CNTNAP5: variants seen among roughly 807,000 people sequenced by gnomAD.
CNTNAP5 encodes contactin associated protein family member 5.
CNTNAP5 carries 72 observed loss-of-function variants against 150.2 expected under a neutral mutation model. The observed-to-expected ratio is 0.48, with a 90% CI of 0.40 to 0.58. The LOEUF is 0.58. CNTNAP5 is among the 20% of genes least tolerant of loss of function. The pLI, the probability that CNTNAP5 is intolerant of heterozygous loss-of-function variation, is 0.00. For synonymous variants in CNTNAP5, 672 were observed against 619.8 expected (o/e 1.08, Z -1.25); for missense variants, 1,636 against 1,626.2 (o/e 1.01, Z -0.10).
At chr2:124,507,724 C>T (rs1694447348) in intron 8 of CNTNAP5, among the ~76,000 whole-genome samples, 8 of 152,278 alleles carry the variant, frequency 5.3e-5, no homozygotes, top group Admixed American at 5.2e-4. Flanking sequence ...CAGGTTTTCT[C>T]TACAGATGCA....
chr2:124,286,732 TCTC>T (rs1022091625), intron 3 of CNTNAP5, among the ~76,000 whole-genome samples: 28 of 152,274 alleles, frequency 1.8e-4, no homozygotes, highest in African/African-American at 6.5e-4. Flanking sequence ...AGCCCGCCCA[TCTC>T]CTCTTTTCCA....
rs1678961579 is a variant in CNTNAP5, at chr2:124,677,218, T to G, written c.2077+29260T>G. On this transcript the variant is annotated intron_variant, in intron 13 of 23. Transcript: ENST00000682447. ...AAGCTGCAGACCTTCACAGTGAGTG[T>G]TACAGCTCTTAAAGGTGGCGCGTCT... Among the ~76,000 whole-genome samples, 3 of 152,180 alleles carry G rather than the reference T, an allele frequency of 2.0e-5. No homozygotes were observed. The South Asian group carries it at 6.2e-4, about 32-fold the overall frequency.
At chr2:124,364,658 ATTCT>A (rs1178166306) in intron 3 of CNTNAP5, among the ~76,000 whole-genome samples, 2 of 152,234 alleles carry the variant, frequency 1.3e-5, no homozygotes, top group African/African-American at 4.8e-5. Flanking sequence ...ACATTTAGTG[ATTCT>A]TTATTTCTAA....
chr2:124,640,197 C>G (rs1047831831), intron 12 of CNTNAP5, among the ~76,000 whole-genome samples: 1 of 152,112 alleles, frequency 6.6e-6, no homozygotes, highest in Non-Finnish European at 1.5e-5. Context: ...ACCACTACCC[C>G]CTAAGACCAT....
At chr2:124,781,194 A>G (rs1017756657) in intron 17 of CNTNAP5, among the ~76,000 whole-genome samples, 1 of 152,120 alleles carries the variant, frequency 6.6e-6, no homozygotes, top group African/African-American at 2.4e-5. Context: ...GGGCTGGGCA[A>G]TGGGGTCATG....
At chr2:124,637,647 C>G (rs1020535263) in intron 12 of CNTNAP5, among the ~76,000 whole-genome samples, 6 of 152,144 alleles carry the variant, frequency 3.9e-5, no homozygotes, top group Admixed American at 3.9e-4. Flanking sequence ...GATCCTGACT[C>G]TTTTAAGTTA....
At chr2:124,345,817 C>T (rs957917287) in intron 3 of CNTNAP5, among the ~76,000 whole-genome samples, 1 of 152,090 alleles carries the variant, frequency 6.6e-6, no homozygotes, top group African/African-American at 2.4e-5. Context: ...TTATTCCCAC[C>T]CTTCTTTCCC....
chr2:124,219,362 C>T (rs1686244053), intron 1 of CNTNAP5, among the ~76,000 whole-genome samples: 1 of 152,114 alleles, frequency 6.6e-6, no homozygotes, highest in Admixed American at 6.6e-5. Context: ...TATACATGCT[C>T]AGTGTCTAAT....
chr2:124,659,030 C>T (rs6739399), intron 13 of CNTNAP5, among the ~76,000 whole-genome samples: 37,869 of 152,028 alleles, frequency 0.25, 4,970 homozygotes, highest in African/African-American at 0.33. Flanking sequence ...CCACTCCTAC[C>T]GCCATGTGAC....
At chr2:124,207,476 T>C (rs1035210682) in intron 1 of CNTNAP5, among the ~76,000 whole-genome samples, 1 of 152,152 alleles carries the variant, frequency 6.6e-6, no homozygotes, top group African/African-American at 2.4e-5. Context: ...GAAGGAAAAA[T>C]AGCAATGAAT....
intron 13 of CNTNAP5, among the ~76,000 whole-genome samples, chr2:124,730,028 A>G (rs1680238173): frequency 6.6e-6 from 1 of 152,118 alleles, no homozygotes; most frequent in Admixed American, 6.6e-5. Context: ...TAGGTTTGCT[A>G]GCATCAGACT....
At chr2:124,869,835 GT>G (rs1677708945) in intron 21 of CNTNAP5, 73 bp downstream of exon 21, 1 of 911,632 alleles carries the variant, frequency 1.1e-6, no homozygotes, top group South Asian at 1.5e-5. Flanking sequence ...TCATTAGGGT[GT>G]TTAAGGATTC....
chr2:124,706,903 G>GAA (rs1198276001), intron 13 of CNTNAP5, among the ~76,000 whole-genome samples: 1 of 11,242 alleles, frequency 8.9e-5, no homozygotes, highest in Non-Finnish European at 2.0e-4. Context: ...GGAAGAAGAA[G>GAA]GAGGAGGAGG....
At chr2:124,384,623 A>G (rs1475756231) in intron 3 of CNTNAP5, among the ~76,000 whole-genome samples, 3 of 152,232 alleles carry the variant, frequency 2.0e-5, no homozygotes, top group Non-Finnish European at 2.9e-5. Context: ...TTTTGAAGCC[A>G]TAAATCTATT....
At chr2:124,704,637 A>G (rs1280990707) in intron 13 of CNTNAP5, among the ~76,000 whole-genome samples, 5 of 152,198 alleles carry the variant, frequency 3.3e-5, no homozygotes. Flanking sequence ...ATGTTTGCCT[A>G]TGTATAAAAA....
chr2:124,846,281 A>C (rs1683045653), intron 19 of CNTNAP5, among the ~76,000 whole-genome samples: 1 of 152,124 alleles, frequency 6.6e-6, no homozygotes, highest in East Asian at 1.9e-4. Context: ...CATTTTAAAA[A>C]AAATTTTTTT....
intron 13 of CNTNAP5, among the ~76,000 whole-genome samples, chr2:124,727,678 T>A (rs1680186468): frequency 6.6e-6 from 1 of 152,092 alleles, no homozygotes; most frequent in Admixed American, 6.6e-5. Flanking sequence ...TCTGCAACTT[T>A]ACCGAATTCA....
intron 1 of CNTNAP5, among the ~76,000 whole-genome samples, chr2:124,086,515 T>G (rs2104681366): frequency 6.6e-6 from 1 of 151,852 alleles, no homozygotes; most frequent in Admixed American, 6.5e-5. Flanking sequence ...GTGTACACAC[T>G]TTTATAATTG....
intron 1 of CNTNAP5, among the ~76,000 whole-genome samples, chr2:124,200,006 G>T (rs1160027105): frequency 6.6e-6 from 1 of 152,084 alleles, no homozygotes; most frequent in Non-Finnish European, 1.5e-5. Context: ...CATTTGCAAT[G>T]TCAAGTGAAT....
Sources: gnomAD v4.1 joint callset for allele counts (sites outside exome capture counted in the v4.1 genomes callset) on GRCh38, gnomAD v4.1.1 for gene constraint, MANE v1.5 for transcripts, NCBI Gene and HGNC (gene_info 2026-07-23, HGNC 2026-07-21) for gene names.